FSTL4: variants seen among roughly 807,000 people sequenced by gnomAD.
FSTL4 encodes follistatin like 4.
In FSTL4, 28 loss-of-function variants were observed where a neutral mutation model predicts 78.2. The ratio of observed to expected loss-of-function variants is 0.36; its 90% CI spans 0.27 to 0.49. FSTL4 has a LOEUF of 0.49. FSTL4 is among the 20% of genes least tolerant of loss of function. The probability of loss-of-function intolerance (pLI) is 0.98; values close to 1 mark genes in which losing one functional copy is unlikely to be tolerated. For missense variants in FSTL4, 922 were observed against 1,084.9 expected, an observed-to-expected ratio of 0.85 and a Z score of 2.11; for synonymous variants, 422 against 440.5, an observed-to-expected ratio of 0.96 and a Z score of 0.53.
intron 4 of FSTL4, among the ~76,000 whole-genome samples, chr5:133,344,343 T>C (rs900793627): frequency 6.6e-6 from 1 of 152,236 alleles, no homozygotes; most frequent in African/African-American, 2.4e-5. Context: ...TCTGTAACTA[T>C]AAGTAATAAG....
chr5:133,441,455 G>A (rs1464633206), intron 3 of FSTL4, among the ~76,000 whole-genome samples: 1 of 149,928 alleles, frequency 6.7e-6, no homozygotes. Flanking sequence ...TACAGTGGCC[G>A]AGAAACGTTT....
At chr5:133,249,236 C>T (rs1217949920) in intron 7 of FSTL4, among the ~76,000 whole-genome samples, 174 bp downstream of exon 7, 1 of 152,238 alleles carries the variant, frequency 6.6e-6, no homozygotes, top group East Asian at 1.9e-4. Flanking sequence ...CTATTTTCTG[C>T]TGTGGTGGGA....
At chr5:133,444,873 T>C (rs964878858) in intron 3 of FSTL4, among the ~76,000 whole-genome samples, 3 of 152,178 alleles carry the variant, frequency 2.0e-5, no homozygotes, top group Non-Finnish European at 4.4e-5. Flanking sequence ...CCAGCTTCCA[T>C]TTCTGGGGCC....
At chr5:133,552,414 G>C (rs1278135214) in intron 3 of FSTL4, among the ~76,000 whole-genome samples, 1 of 152,200 alleles carries the variant, frequency 6.6e-6, no homozygotes, top group Non-Finnish European at 1.5e-5. Flanking sequence ...ATTCCCTTCA[G>C]AGACACGGCT....
chr5:133,249,825 C>T (rs1444273575), intron 6 of FSTL4, among the ~76,000 whole-genome samples: 1 of 152,242 alleles, frequency 6.6e-6, no homozygotes, highest in Non-Finnish European at 1.5e-5. Flanking sequence ...AAGTAATGTG[C>T]TGAGGACAAT....
chr5:133,672,934 AC>A, the FSTL4 span, among the ~76,000 whole-genome samples: 1 of 152,216 alleles, frequency 6.6e-6, no homozygotes, highest in African/African-American at 2.4e-5. Context: ...TTAGTTTTAT[AC>A]ATTTAGGGAG....
At chr5:133,274,647 G>A (rs1231625975) in intron 6 of FSTL4, among the ~76,000 whole-genome samples, 2 of 152,104 alleles carry the variant, frequency 1.3e-5, no homozygotes, top group Non-Finnish European at 2.9e-5. Flanking sequence ...GACCGCCCAC[G>A]TGACCCAGAA....
rs543691238 is a variant in FSTL4 at position 133,339,718 on chromosome 5, G to C, written c.410-23066C>G. ...GACAGCCCCTTGGTAAACTGAACAA[G>C]AATACTCCATGCTCACAGGCTTTCC... On this transcript the variant is annotated intron_variant, in intron 4 of 15. Transcript: ENST00000265342. Among the ~76,000 whole-genome samples, 260 of 152,316 alleles carry C rather than the reference G, an allele frequency of 1.7e-3. 2 individuals carry two copies. Among genetic ancestry groups the C allele is most frequent in the African/African-American group, 6.1e-3 (252 of 41,562 alleles).
intron 2 of FSTL4, among the ~76,000 whole-genome samples, chr5:133,599,111 G>A (rs886930150): frequency 1.3e-5 from 2 of 152,172 alleles, no homozygotes; most frequent in African/African-American, 4.8e-5. Context: ...GGTGGTTGGG[G>A]GTGAGGGACA....
At chr5:133,804,512 C>T in the FSTL4 span, among the ~76,000 whole-genome samples, 2 of 152,132 alleles carry the variant, frequency 1.3e-5, no homozygotes, top group East Asian at 3.8e-4. Context: ...TATCTCTGAC[C>T]CCTAAACATT....
At chr5:133,243,211 A>G (rs1751929967) in intron 7 of FSTL4, among the ~76,000 whole-genome samples, 1 of 152,048 alleles carries the variant, frequency 6.6e-6, no homozygotes, top group Non-Finnish European at 1.5e-5. Context: ...CCGACATTAG[A>G]AAGCCCCAAA....
chr5:133,514,322 G>A (rs1473777840), intron 3 of FSTL4, among the ~76,000 whole-genome samples: 1 of 151,900 alleles, frequency 6.6e-6, no homozygotes, highest in African/African-American at 2.4e-5. Flanking sequence ...GAGGATAAAG[G>A]AAAAACATGA....
chr5:133,554,630 A>G (rs1759753355), intron 3 of FSTL4, among the ~76,000 whole-genome samples: 1 of 152,168 alleles, frequency 6.6e-6, no homozygotes, highest in African/African-American at 2.4e-5. Flanking sequence ...ATTCAACAAC[A>G]ACAAGCTGCT....
At chr5:133,735,754 A>G in the FSTL4 span, among the ~76,000 whole-genome samples, 1 of 152,162 alleles carries the variant, frequency 6.6e-6, no homozygotes, top group African/African-American at 2.4e-5. Flanking sequence ...CTCTATAACA[A>G]TGTGGATTCT....
intron 3 of FSTL4, among the ~76,000 whole-genome samples, chr5:133,549,717 C>A (rs1440020688): frequency 6.6e-6 from 1 of 152,192 alleles, no homozygotes; most frequent in Non-Finnish European, 1.5e-5. Flanking sequence ...GGAACACTAT[C>A]AACCAGGACT....
intron 13 of FSTL4, among the ~76,000 whole-genome samples, chr5:133,216,389 GAAGTGATTCTCCTGCCTCGGCCTCCCGTC>G (rs542725002): frequency 0.023 from 3,303 of 146,548 alleles, 98 homozygotes; most frequent in African/African-American, 0.072. Context: ...CTCCCGGGTT[GAAGTGATTCTCCTGCCTCGGCCTCCCGTC>G]AAGTGATTCT....
At chr5:133,498,718 C>CAAAAAAAAAAAAAAAAA (rs112128780) in intron 3 of FSTL4, among the ~76,000 whole-genome samples, 3 of 127,042 alleles carry the variant, frequency 2.4e-5, no homozygotes, top group Admixed American at 7.9e-5. Context: ...ACTCAGTCTC[C>CAAAAAAAAAAAAAAAAA]AAAAAAAAAA....
rs372029644 is a variant in FSTL4 at position 133,576,420 on chromosome 5, G to A, written c.127-9201C>T. On this transcript the variant is annotated intron_variant, in intron 2 of 15. Transcript: ENST00000265342. ...AATATTGGCTATGTGGGTTACGAAAGTGGGGGATCAAAAGCAACCACACTG... is the reference window on the plus strand; with the variant it reads ...AATATTGGCTATGTGGGTTACGAAAATGGGGGATCAAAAGCAACCACACTG... 6.6e-5 allele frequency among the ~76,000 whole-genome samples: 10 copies of A among 152,350 alleles called. 1 individual carries two copies. In the South Asian group the frequency reaches 1.7e-3, roughly 25 times the overall value.
At chr5:133,637,999 T>C in the FSTL4 span, among the ~76,000 whole-genome samples, 1 of 151,808 alleles carries the variant, frequency 6.6e-6, no homozygotes, top group African/African-American at 2.4e-5. Context: ...TGGGCTCAAA[T>C]CTGAATTTCT....
Sources: gnomAD v4.1 joint callset for allele counts (sites outside exome capture counted in the v4.1 genomes callset) on GRCh38, gnomAD v4.1.1 for gene constraint, MANE v1.5 for transcripts, NCBI Gene and HGNC (gene_info 2026-07-23, HGNC 2026-07-21) for gene names.